Variants in KLRG1 observed in about 807,000 individuals in gnomAD.
The protein encoded by KLRG1 is killer cell lectin-like receptor subfamily G member 1.
In KLRG1, 16 loss-of-function variants were observed where a neutral mutation model predicts 21.8. That is an observed-to-expected ratio of 0.73 (90% CI 0.50 to 1.11). The LOEUF is 1.11. KLRG1 is among the 50% of genes most tolerant of loss of function. The probability of loss-of-function intolerance (pLI) is 0.00; values close to 1 mark genes in which losing one functional copy is unlikely to be tolerated. For synonymous variants in KLRG1, 69 were observed against 75.9 expected (o/e 0.91, Z 0.47); for missense variants, 173 against 218.3 (o/e 0.79, Z 1.31).
chr12:9,048,174 T>C, the KLRG1 span, among the ~76,000 whole-genome samples: 1 of 152,070 alleles, frequency 6.6e-6, no homozygotes, highest in Non-Finnish European at 1.5e-5. Context: ...AAGTATGTGC[T>C]CAGAAAACAA....
At chr12:9,157,756 C>G in the KLRG1 span, 1 of 1,610,444 alleles carries the variant, frequency 6.2e-7, no homozygotes, top group Non-Finnish European at 8.5e-7. Flanking sequence ...TGGGATTGAG[C>G]TGGTACCTAC....
At chr12:9,132,240 T>C in the KLRG1 span, among the ~76,000 whole-genome samples, 4 of 152,250 alleles carry the variant, frequency 2.6e-5, no homozygotes, top group Admixed American at 6.5e-5. Context: ...CACCAACCTA[T>C]GGACTTTCCT....
At chr12:9,150,734 T>A in the KLRG1 span, 1 of 1,610,862 alleles carries the variant, frequency 6.2e-7, no homozygotes, top group African/African-American at 1.3e-5. Context: ...AAACTTAGCG[T>A]CTGATTTGTC....
the KLRG1 span, among the ~76,000 whole-genome samples, chr12:9,049,297 G>A: frequency 6.6e-6 from 1 of 152,130 alleles, no homozygotes; most frequent in Admixed American, 6.5e-5. Flanking sequence ...ATCTAGAATG[G>A]TCATGTGGAC....
At chr12:9,076,651 G>A in the KLRG1 span, 1 of 1,007,668 alleles carries the variant, frequency 9.9e-7, no homozygotes, top group East Asian at 2.6e-5. Flanking sequence ...ATATAGAAAA[G>A]AAGAGAGGAG....
the KLRG1 span, chr12:9,068,026 C>T: frequency 2.7e-4 from 264 of 975,770 alleles, no homozygotes; most frequent in Non-Finnish European, 3.6e-4. Context: ...ACAGAGTCAG[C>T]GGCCCTCTCC....
the KLRG1 span, chr12:9,093,673 A>T: frequency 1.4e-6 from 1 of 707,092 alleles, no homozygotes; most frequent in Non-Finnish European, 2.2e-6. Context: ...AAAACAAAAA[A>T]CAAATCGTCT....
chr12:9,157,349 T>C, the KLRG1 span: 5 of 1,612,004 alleles, frequency 3.1e-6, no homozygotes, highest in Admixed American at 8.3e-5. Flanking sequence ...TTGCGAACAA[T>C]AGGGTTCTGT....
At chr12:8,963,247 A>G (rs1946409707) in intron 1 of KLRG1, among the ~76,000 whole-genome samples, 1 of 152,222 alleles carries the variant, frequency 6.6e-6, no homozygotes, top group South Asian at 2.1e-4. Flanking sequence ...ATTCATTGCA[A>G]ACAGGCCACT....
chr12:9,028,332 A>G, the KLRG1 span, among the ~76,000 whole-genome samples: 2 of 150,546 alleles, frequency 1.3e-5, no homozygotes, highest in African/African-American at 4.9e-5. Context: ...TTGTGTTTTT[A>G]TAGAGACAGG....
the KLRG1 span, chr12:9,072,597 A>G: frequency 6.2e-7 from 1 of 1,601,778 alleles, no homozygotes. Context: ...AGGACTTCTC[A>G]GAGAGAACAG....
At chr12:9,157,544 G>A in the KLRG1 span, among the ~76,000 whole-genome samples, 1 of 152,196 alleles carries the variant, frequency 6.6e-6, no homozygotes, top group Non-Finnish European at 1.5e-5. Flanking sequence ...TAAAGAATAA[G>A]ACTAGAGAAC....
At chr12:9,200,880 C>T in the KLRG1 span, 1 of 1,608,088 alleles carries the variant, frequency 6.2e-7, no homozygotes, top group Non-Finnish European at 8.5e-7. Context: ...TTTCATCTTC[C>T]ATAATCCATA....
the KLRG1 span, chr12:9,167,577 C>T: frequency 2.0e-5 from 3 of 152,172 alleles, no homozygotes; most frequent in Non-Finnish European, 4.4e-5. Context: ...TCATTGTTCT[C>T]TGTAGTCATG....
At chr12:9,179,692 C>T in the KLRG1 span, among the ~76,000 whole-genome samples, 3 of 152,170 alleles carry the variant, frequency 2.0e-5, no homozygotes, top group Non-Finnish European at 4.4e-5. Context: ...CTCCAGTGAC[C>T]AAAAGTGATT....
At chr12:9,062,050 T>A in the KLRG1 span, among the ~76,000 whole-genome samples, 214 of 150,926 alleles carry the variant, frequency 1.4e-3, no homozygotes, top group Non-Finnish European at 2.9e-3. Flanking sequence ...AGAAATCACC[T>A]GACACAATAG....
rs1947592061 is a variant in KLRG1, at chr12:9,009,862, T to A, written c.*325T>A. On this transcript the variant is annotated 3_prime_UTR_variant, in exon 5 of 5. Coordinates refer to ENST00000356986, the MANE Select transcript of KLRG1 (RefSeq NM_005810.4). ...CAACCATCTCTGTCAAAAATATACC[T>A]TTTTCATATGATATTCTGAGCTAAT... is the stretch of plus-strand genomic sequence containing the variant. 2 of 1,475,306 alleles carry A rather than the reference T, an allele frequency of 1.4e-6. No homozygotes were observed. The highest frequency in any genetic ancestry group is 1.8e-6 in the Non-Finnish European group (2 of 1,117,386). 91.4% of individuals were successfully genotyped at this position (1,475,306 alleles called of 1,614,324 possible).
the KLRG1 span, among the ~76,000 whole-genome samples, chr12:9,022,051 G>C: frequency 7.4e-6 from 1 of 135,398 alleles, no homozygotes; most frequent in Non-Finnish European, 1.7e-5. Context: ...CTTGGGCCCA[G>C]GAGGTTGAGG....
At chr12:9,033,441 TA>T in the KLRG1 span, among the ~76,000 whole-genome samples, 1,386 of 145,748 alleles carry the variant, frequency 9.5e-3, 22 homozygotes, top group African/African-American at 0.032. Context: ...TGAGACTCTT[TA>T]AAAAAAAAAA....
Sources: gnomAD v4.1 joint callset for allele counts (sites outside exome capture counted in the v4.1 genomes callset) on GRCh38, gnomAD v4.1.1 for gene constraint, MANE v1.5 for transcripts, NCBI Gene and HGNC (gene_info 2026-07-23, HGNC 2026-07-21) for gene names.